ZNF429: variants seen among roughly 807,000 people sequenced by gnomAD.
The protein encoded by ZNF429 is zinc finger protein 429.
A neutral mutation model predicts 56.8 loss-of-function variants in ZNF429; 53 were observed. That is an observed-to-expected ratio of 0.93 (90% confidence interval 0.75 to 1.17). ZNF429 has a LOEUF of 1.17. Among genes scored for constraint, ZNF429 ranks in the 50% most tolerant of loss-of-function variants. The probability of loss-of-function intolerance (pLI) is 0.00; values close to 1 mark genes in which losing one functional copy is unlikely to be tolerated. For synonymous variants in ZNF429, 278 were observed against 264.7 expected (o/e 1.05, Z -0.49); for missense variants, 849 against 788.4 (o/e 1.08, Z -0.92).
chr19:21,526,294 C>T (rs960468586), intron 1 of ZNF429, among the ~76,000 whole-genome samples: 2 of 152,046 alleles, frequency 1.3e-5, no homozygotes, highest in African/African-American at 4.8e-5. Context: ...GCAGTTTACA[C>T]TACACCCATT....
At chr19:21,510,055 C>T (rs1568410632) in intron 1 of ZNF429, among the ~76,000 whole-genome samples, 2 of 151,988 alleles carry the variant, frequency 1.3e-5, no homozygotes, top group East Asian at 3.9e-4. Context: ...ATTACAGGTG[C>T]CCGCGACCAT....
chr19:21,510,742 T>G (rs1440451188), intron 1 of ZNF429, among the ~76,000 whole-genome samples: 4 of 151,716 alleles, frequency 2.6e-5, no homozygotes, highest in African/African-American at 9.7e-5. Context: ...CCGCAGTGTT[T>G]GTGTCCCTGG....
chr19:21,519,158 G>A (rs2032892532), intron 1 of ZNF429, among the ~76,000 whole-genome samples: 1 of 152,290 alleles, frequency 6.6e-6, no homozygotes, highest in Admixed American at 6.5e-5. Flanking sequence ...AAGAAACAAG[G>A]TTTCCTGTAT....
rs150034261 is a variant in ZNF429 at position 21,529,450 on chromosome 19, A to G, written c.4-208A>G. The G allele has an allele frequency of 1.7e-3, 1,583 of 913,324 alleles. 30 individuals carry two copies. The African/African-American group carries it at 0.027, about 15-fold the overall frequency. 56.6% of individuals were successfully genotyped at this position (913,324 alleles called of 1,614,324 possible). A position where few individuals can be genotyped will look rare whatever the true frequency, so the allele number is the denominator to read the frequency against. The stretch of plus-strand genomic sequence containing the variant: ...CTGATGTTGTGGATCTTATGCCACT[A>G]TTTTCTCAAAGTTAGAGAATATATT... On this transcript the variant is annotated intron_variant, in intron 1 of 3. Transcript: ENST00000358491.
intron 1 of ZNF429, among the ~76,000 whole-genome samples, chr19:21,520,118 C>G (rs186638507): frequency 0.013 from 1,905 of 152,292 alleles, 14 homozygotes; most frequent in Non-Finnish European, 0.018. Context: ...CTCAGCCTCC[C>G]AAAGTGCTAG....
At position 21,536,288 on chromosome 19, in the gene ZNF429, T is replaced by A; in HGVS notation, c.235T>A (p.Ser79Thr). 6.4e-7 allele frequency: 1 copy of A among 1,570,750 alleles called. No homozygotes were observed. Among genetic ancestry groups the A allele is most frequent in the East Asian group, 2.2e-5 (1 of 44,494 alleles). Residue 79 changes from serine (S) to threonine (T), a missense_variant, in exon 4 of 4, where the codon TCT becomes ACT. By Grantham distance (58) the Ser-to-Thr change is moderately conservative. Coordinates refer to ENST00000358491, the MANE Select transcript of ZNF429 (RefSeq NM_001001415.4). ...EMVDEPPVVCSHFAEDFWPEQ... is the reference protein window; with the variant it reads ...EMVDEPPVVCTHFAEDFWPEQ... ...TTTTAATTTTATTTTAGTTGTGTGTTCTCATTTTGCTGAAGACTTTTGGCC... is the reference window on the plus strand; with the variant it reads ...TTTTAATTTTATTTTAGTTGTGTGTACTCATTTTGCTGAAGACTTTTGGCC...
rs1463976751 is a variant in ZNF429 at position 21,537,355 on chromosome 19, T to C, written c.1302T>C (p.Phe434=). 1 of 1,613,836 alleles carries C rather than the reference T, an allele frequency of 6.2e-7. No homozygotes were observed. Among genetic ancestry groups the C allele is most frequent in the Non-Finnish European group, 8.5e-7 (1 of 1,179,864 alleles). ...ATTGTGAAGAATGTGGCAAAGTTTTTACCTATTCCTCTACACTTACTAGAC... is the reference window on the plus strand; with the variant it reads ...ATTGTGAAGAATGTGGCAAAGTTTTCACCTATTCCTCTACACTTACTAGAC... ...PYNCEECGKV[F]TYSSTLTRHK... The change falls in exon 4 of 4, where the codon TTT becomes TTC. Residue 434 remains phenylalanine (F), a synonymous_variant. Transcript: ENST00000358491.
At chr19:21,533,524 T>A in intron 3 of ZNF429, among the ~76,000 whole-genome samples, 1 of 152,032 alleles carries the variant, frequency 6.6e-6, no homozygotes, top group Non-Finnish European at 1.5e-5. Context: ...AAGTCCAATG[T>A]CATGTCTTTC....
chr19:21,512,327 A>G (rs2032525141), intron 1 of ZNF429, among the ~76,000 whole-genome samples: 1 of 152,038 alleles, frequency 6.6e-6, no homozygotes, highest in Admixed American at 6.6e-5. Context: ...TTTATCAGCA[A>G]GGTCTTTATG....
At chr19:21,506,964 C>A (rs530154395) in intron 1 of ZNF429, among the ~76,000 whole-genome samples, 1 of 152,104 alleles carries the variant, frequency 6.6e-6, no homozygotes, top group East Asian at 1.9e-4. Context: ...GACGGGGTTT[C>A]TCCGTGTTGG....
intron 1 of ZNF429, among the ~76,000 whole-genome samples, chr19:21,524,335 C>T (rs2033087681): frequency 6.6e-6 from 1 of 152,182 alleles, no homozygotes; most frequent in Admixed American, 6.5e-5. Context: ...GGAGACCAGC[C>T]TGACCAACAT....
chr19:21,531,939 A>G, intron 3 of ZNF429, among the ~76,000 whole-genome samples: 1 of 151,652 alleles, frequency 6.6e-6, no homozygotes, highest in African/African-American at 2.4e-5. Context: ...TGCCCTTAGT[A>G]TATTAGCAAC....
In ZNF429 at chr19:21,539,677, C is replaced by T. The variant is rs7507813; in HGVS notation, c.*1599C>T. On this transcript the variant is annotated 3_prime_UTR_variant, in exon 4 of 4. Transcript: ENST00000358491. ...AACTCTTCATCTCAAGTGATCTGCC[C>T]ACCTTGGCCTCCCAGAGTGCTGGGA... Among the ~76,000 whole-genome samples, 32,466 of 151,642 alleles carry T rather than the reference C, an allele frequency of 0.21. 3,511 individuals are homozygous for T. Among genetic ancestry groups the T allele is most frequent in the Middle Eastern group, 0.24 (72 of 294 alleles).
At chr19:21,526,068 C>G (rs1480719522) in intron 1 of ZNF429, among the ~76,000 whole-genome samples, 1 of 152,208 alleles carries the variant, frequency 6.6e-6, no homozygotes, top group African/African-American at 2.4e-5. Context: ...CAAATGCAGA[C>G]TCATTCAGAC....
chr19:21,535,319 CTTTCTTTCTCTTT>C, intron 3 of ZNF429, among the ~76,000 whole-genome samples: 6 of 134,442 alleles, frequency 4.5e-5, no homozygotes, highest in African/African-American at 1.6e-4. Flanking sequence ...TTCTTTCTTT[CTTTCTTTCTCTTT>C]TCTTTTCTTT....
intron 1 of ZNF429, among the ~76,000 whole-genome samples, chr19:21,522,070 C>G (rs2033004032): frequency 6.6e-6 from 1 of 152,158 alleles, no homozygotes; most frequent in African/African-American, 2.4e-5. Context: ...TGCTCTAGCC[C>G]AGTGCTTAGG....
chr19:21,515,936 G>T (rs1419494025), intron 1 of ZNF429, among the ~76,000 whole-genome samples: 5 of 152,066 alleles, frequency 3.3e-5, no homozygotes, highest in Non-Finnish European at 7.4e-5. Flanking sequence ...TGTTGCATTG[G>T]TCTATGAGTC....
chr19:21,514,240 A>G (rs1369481698), intron 1 of ZNF429, among the ~76,000 whole-genome samples: 1 of 152,152 alleles, frequency 6.6e-6, no homozygotes, highest in Non-Finnish European at 1.5e-5. Flanking sequence ...TTTATCATAT[A>G]GATAAAATTG....
At chr19:21,525,834 T>C (rs1380525767) in intron 1 of ZNF429, among the ~76,000 whole-genome samples, 1 of 16,254 alleles carries the variant, frequency 6.2e-5, no homozygotes, top group East Asian at 1.9e-3. Flanking sequence ...ATTCTATACA[T>C]TTTATTTTTT....
Sources: gnomAD v4.1 joint callset for allele counts (sites outside exome capture counted in the v4.1 genomes callset) on GRCh38, gnomAD v4.1.1 for gene constraint, MANE v1.5 for transcripts, NCBI Gene and HGNC (gene_info 2026-07-23, HGNC 2026-07-21) for gene names.